Variants in RASA1 observed in about 807,000 individuals in gnomAD.
RASA1 encodes ras GTPase-activating protein 1.
In RASA1, 25 loss-of-function variants were observed where a neutral mutation model predicts 132.2. That is an observed-to-expected ratio of 0.19 (90% CI 0.14 to 0.26). The LOEUF (loss-of-function observed/expected upper bound fraction) is 0.26, where lower values mean the gene tolerates loss of function less well. Among genes scored for constraint, RASA1 ranks in the 10% least tolerant of loss-of-function variants. The pLI is 1.00. For missense variants in RASA1, 964 were observed against 1,299.2 expected, an observed-to-expected ratio of 0.74 and a Z score of 3.97; for synonymous variants, 477 against 449.9, an observed-to-expected ratio of 1.06 and a Z score of -0.76.
chr5:87,287,512 C>T (rs1754681483), intron 1 of RASA1, among the ~76,000 whole-genome samples: 1 of 144,006 alleles, frequency 6.9e-6, no homozygotes, highest in South Asian at 2.2e-4. Context: ...TATATATACC[C>T]ACCATATATA....
At position 87,267,955 on chromosome 5, in the gene RASA1, C is replaced by CA; in HGVS notation, c.-497_-496insA. The CA allele has an allele frequency of 2.5e-6, 1 of 393,152 alleles. No homozygotes were observed. The highest frequency in any genetic ancestry group is 1.4e-4 in the South Asian group (1 of 7,266). The allele number at this position is 393,152 out of a possible 1,614,324, so 24.4% of individuals were successfully genotyped here. A position where few individuals can be genotyped will look rare whatever the true frequency, so the allele number is the denominator to read the frequency against. ...TACCCCGCCCCCCTTTCTCTTGCCC[C>CA]CCCACCCCTCTCATCTGCCTGGTGG... is the stretch of plus-strand genomic sequence containing the variant. On this transcript the variant is annotated 5_prime_UTR_variant, in exon 1 of 25. Coordinates refer to ENST00000274376, the MANE Select transcript of RASA1 (RefSeq NM_002890.3).
At chr5:87,362,906 C>CTT (rs879684008) in intron 10 of RASA1, among the ~76,000 whole-genome samples, 1 of 140,092 alleles carries the variant, frequency 7.1e-6, no homozygotes, top group African/African-American at 2.6e-5. Flanking sequence ...TTCTTTCTTT[C>CTT]TTTTTTTTTT....
chr5:87,308,801 A>G (rs1561270007), intron 1 of RASA1, among the ~76,000 whole-genome samples: 2 of 152,188 alleles, frequency 1.3e-5, no homozygotes, highest in Non-Finnish European at 2.9e-5. Flanking sequence ...AATTGCCTAT[A>G]GTATTCAGTA....
At chr5:87,334,142 C>T (rs1269617706) in intron 4 of RASA1, among the ~76,000 whole-genome samples, 2 of 151,980 alleles carry the variant, frequency 1.3e-5, no homozygotes, top group African/African-American at 4.8e-5. Context: ...TAGATGGAGA[C>T]AGTAAAGACC....
chr5:87,321,059 G>A (rs1006449698), intron 1 of RASA1, among the ~76,000 whole-genome samples: 1 of 152,138 alleles, frequency 6.6e-6, no homozygotes, highest in African/African-American at 2.4e-5. Flanking sequence ...AGCCTATTAG[G>A]GAGATAAATC....
At chr5:87,289,610 TTTA>T (rs1754825261) in intron 1 of RASA1, among the ~76,000 whole-genome samples, 2 of 152,014 alleles carry the variant, frequency 1.3e-5, no homozygotes, top group Admixed American at 6.6e-5. Flanking sequence ...TGTATTTTAT[TTTA>T]TTATTATTAT....
intron 6 of RASA1, among the ~76,000 whole-genome samples, chr5:87,341,534 C>A (rs1434824975): frequency 6.6e-6 from 1 of 151,974 alleles, no homozygotes; most frequent in Non-Finnish European, 1.5e-5. Context: ...AAATATAACT[C>A]TTTTTATCAC....
At chr5:87,312,841 A>C (rs1756020941) in intron 1 of RASA1, among the ~76,000 whole-genome samples, 1 of 152,190 alleles carries the variant, frequency 6.6e-6, no homozygotes, top group Admixed American at 6.5e-5. Flanking sequence ...CTTGCATCCT[A>C]AATCTTTCGC....
chr5:87,272,576 T>C (rs1753893236), intron 1 of RASA1, among the ~76,000 whole-genome samples: 1 of 152,056 alleles, frequency 6.6e-6, no homozygotes, highest in African/African-American at 2.4e-5. Flanking sequence ...TACCTTGATG[T>C]ATTCGTCACA....
rs182770341 is a variant in RASA1, at chr5:87,356,655, G to A, written c.1332+3420G>A. Among the ~76,000 whole-genome samples, 7 of 152,264 alleles carry A rather than the reference G, an allele frequency of 4.6e-5. No homozygotes were observed. The East Asian group carries it at 1.4e-3, about 29-fold the overall frequency. ...CCCAAAATGCTGGGATTACAGTTGT[G>A]AGCCACTTTGGTTGCCCCAACAGTT... On this transcript the variant is annotated intron_variant, in intron 9 of 24. Coordinates refer to ENST00000274376, the MANE Select transcript of RASA1 (RefSeq NM_002890.3).
chr5:87,373,749 A>G (rs970464874), intron 13 of RASA1, among the ~76,000 whole-genome samples: 10 of 152,206 alleles, frequency 6.6e-5, no homozygotes, highest in African/African-American at 2.2e-4. Flanking sequence ...ACTCTTTTAT[A>G]GAAATAGAAT....
chr5:87,329,402 A>C (rs933663503), intron 1 of RASA1, among the ~76,000 whole-genome samples: 2 of 152,124 alleles, frequency 1.3e-5, no homozygotes, highest in African/African-American at 2.4e-5. Flanking sequence ...AGATCGTACC[A>C]GTGTACTCCA....
At chr5:87,342,961 C>CT (rs1182024217) in intron 6 of RASA1, among the ~76,000 whole-genome samples, 1 of 152,120 alleles carries the variant, frequency 6.6e-6, no homozygotes, top group Non-Finnish European at 1.5e-5. Flanking sequence ...ACTCGGAAGT[C>CT]TTTTTATCTG....
chr5:87,278,421 G>C (rs1157914509), intron 1 of RASA1, among the ~76,000 whole-genome samples: 3 of 151,758 alleles, frequency 2.0e-5, no homozygotes, highest in Admixed American at 6.6e-5. Flanking sequence ...TGGGCGTGGT[G>C]GTGGGTGCCT....
At chr5:87,388,265 G>A (rs1762206376) in intron 23 of RASA1, among the ~76,000 whole-genome samples, 1 of 152,114 alleles carries the variant, frequency 6.6e-6, no homozygotes, top group Non-Finnish European at 1.5e-5. Flanking sequence ...CTGTCCCATA[G>A]ATAACATTGT....
At chr5:87,284,231 G>A (rs1754445342) in intron 1 of RASA1, among the ~76,000 whole-genome samples, 1 of 152,146 alleles carries the variant, frequency 6.6e-6, no homozygotes, top group Non-Finnish European at 1.5e-5. Context: ...TGCAATTGTA[G>A]TGTTTTAATT....
At chr5:87,333,448 G>A (rs1757740606) in intron 4 of RASA1, 111 bp downstream of exon 4, 3 of 1,491,190 alleles carry the variant, frequency 2.0e-6, no homozygotes, top group Non-Finnish European at 9.0e-7. Flanking sequence ...CATACAGCAA[G>A]GTGAAAGAGC....
At chr5:87,280,551 G>A (rs1754270488) in intron 1 of RASA1, among the ~76,000 whole-genome samples, 1 of 151,862 alleles carries the variant, frequency 6.6e-6, no homozygotes, top group South Asian at 2.1e-4. Flanking sequence ...GACCTCAAGT[G>A]ATCCACCTGC....
chr5:87,336,101 T>C (rs983599538), intron 4 of RASA1, among the ~76,000 whole-genome samples: 6 of 152,176 alleles, frequency 3.9e-5, no homozygotes, highest in African/African-American at 1.4e-4. Flanking sequence ...AGCAGCAAAT[T>C]TAATGCAGAA....
Sources: allele counts gnomAD v4.1 joint callset (sites outside exome capture counted in the v4.1 genomes callset), GRCh38; gene constraint gnomAD v4.1.1; transcripts MANE v1.5; gene names NCBI Gene and HGNC (gene_info 2026-07-23, HGNC 2026-07-21).